The following EYS variants were observed in gnomAD, a reference collection of about 807,000 sequenced individuals.
The protein encoded by EYS is EGF-like photoreceptor maintenance factor.
Under a neutral mutation model 282.1 loss-of-function variants are expected in EYS, and 250 were observed. The ratio of observed to expected loss-of-function variants is 0.89; its 90% CI spans 0.80 to 0.98. The LOEUF is 0.98. Ranked by LOEUF, EYS falls within the 50% of genes least tolerant of loss-of-function variation. The pLI is 0.00. For missense variants in EYS, 4,016 were observed against 3,709.0 expected (o/e 1.08, Z -2.15); for synonymous variants, 1,355 against 1,282.9 (o/e 1.06, Z -1.20).
At chr6:63,818,325 A>T (rs1481210577) in intron 36 of EYS, among the ~76,000 whole-genome samples, 1 of 152,198 alleles carries the variant, frequency 6.6e-6, no homozygotes, top group Admixed American at 6.5e-5. Context: ...TGATAATACA[A>T]CTGTGATTTT....
chr6:64,928,156 A>C lies in EYS; in HGVS notation c.2382-15413T>G, dbSNP rs574607347. Among the ~76,000 whole-genome samples the C allele has an allele frequency of 2.6e-5, 4 of 152,178 alleles. No homozygotes were observed. The East Asian group carries it at 7.7e-4, about 29-fold the overall frequency. Reference sequence around the variant, plus strand: ...CTATTGAATACCTTATGAAAAGTCTATTTCTCTAAAAACATTGCCTCCCCC... The same window carrying C: ...CTATTGAATACCTTATGAAAAGTCTCTTTCTCTAAAAACATTGCCTCCCCC... On this transcript the variant is annotated intron_variant, in intron 15 of 42. Coordinates refer to ENST00000503581, the MANE Select transcript of EYS (RefSeq NM_001142800.2).
At chr6:65,591,677 C>G (rs1479710704) in intron 2 of EYS, among the ~76,000 whole-genome samples, 1 of 151,896 alleles carries the variant, frequency 6.6e-6, no homozygotes, top group Non-Finnish European at 1.5e-5. Flanking sequence ...ACCATTCTCT[C>G]TGTCTGGAAT....
chr6:64,248,986 G>A (rs1201271965), intron 30 of EYS, among the ~76,000 whole-genome samples: 1 of 148,566 alleles, frequency 6.7e-6, no homozygotes, highest in Admixed American at 6.8e-5. Flanking sequence ...AATCTTGGAG[G>A]CTTGGAGGCA....
intron 12 of EYS, among the ~76,000 whole-genome samples, chr6:65,187,531 C>A (rs1409412407): frequency 1.3e-5 from 2 of 151,586 alleles, no homozygotes; most frequent in Non-Finnish European, 3.0e-5. Flanking sequence ...ATAATTCCAA[C>A]TTTTTCATGC....
chr6:65,267,797 A>G (rs999849237), intron 12 of EYS, among the ~76,000 whole-genome samples: 1 of 152,014 alleles, frequency 6.6e-6, no homozygotes, highest in Non-Finnish European at 1.5e-5. Flanking sequence ...AAGCAAATGG[A>G]AATCTGTTTC....
chr6:65,517,299 G>T (rs1767173013), intron 2 of EYS, among the ~76,000 whole-genome samples: 1 of 147,902 alleles, frequency 6.8e-6, no homozygotes, highest in African/African-American at 2.5e-5. Context: ...ATAATTGTCT[G>T]TAACAAAAGT....
rs547868907 is a variant in EYS, at chr6:63,721,769, A to G, written c.8262T>C (p.Asn2754=). Residue 2754 remains asparagine, a synonymous_variant, in exon 43 of 43, where the codon AAT becomes AAC. Transcript: ENST00000503581. ...GGTTGTAGCGAAGTTGAACGGAACT[A>G]TTTACTAAAGAGATGCATAAAAAAT... ...SGDFLCISLV[N]SSVQLRYNLG... The G allele has an allele frequency of 2.3e-5, 35 of 1,550,498 alleles. No homozygotes were observed. Among genetic ancestry groups the G allele is most frequent in the African/African-American group, 1.4e-4 (10 of 73,084 alleles).
At chr6:63,839,388 G>T in intron 36 of EYS, among the ~76,000 whole-genome samples, 1 of 152,144 alleles carries the variant, frequency 6.6e-6, no homozygotes. Flanking sequence ...GCAAATGACA[G>T]AATTAATTTC....
At chr6:64,493,233 A>G (rs536187259) in intron 26 of EYS, among the ~76,000 whole-genome samples, 2 of 151,474 alleles carry the variant, frequency 1.3e-5, no homozygotes, top group African/African-American at 2.4e-5. Flanking sequence ...ATGACTCTAA[A>G]CAAGAAGGAA....
chr6:64,368,753 G>A (rs1176282138), intron 29 of EYS, among the ~76,000 whole-genome samples: 2 of 151,780 alleles, frequency 1.3e-5, no homozygotes, highest in South Asian at 2.1e-4. Context: ...TTTAAATGGG[G>A]TTGTTTTTGC....
intron 29 of EYS, among the ~76,000 whole-genome samples, chr6:64,387,926 T>C (rs189255819): frequency 1.2e-3 from 187 of 152,270 alleles, no homozygotes; most frequent in Non-Finnish European, 2.0e-3. Context: ...TAGATGTATG[T>C]ATACCAATTT....
At chr6:64,670,793 C>T (rs1769429253) in intron 22 of EYS, among the ~76,000 whole-genome samples, 1 of 152,128 alleles carries the variant, frequency 6.6e-6, no homozygotes. Flanking sequence ...CTCTACATTG[C>T]TCAGGAACTC....
At chr6:65,545,531 G>T (rs533790107) in intron 2 of EYS, among the ~76,000 whole-genome samples, 1 of 152,118 alleles carries the variant, frequency 6.6e-6, no homozygotes, top group South Asian at 2.1e-4. Flanking sequence ...GAAGAAAGTG[G>T]GATCAAAGAG....
rs1194725174 is a variant in EYS at position 64,113,516 on chromosome 6, T to C, written c.6425-31514A>G. Among the ~76,000 whole-genome samples, 8 of 152,318 alleles carry C rather than the reference T, an allele frequency of 5.3e-5. No individual in the cohort carries two copies. In the East Asian group the frequency reaches 7.7e-4, roughly 15 times the overall value. On this transcript the variant is annotated intron_variant, in intron 31 of 42. Coordinates refer to ENST00000503581, the MANE Select transcript of EYS (RefSeq NM_001142800.2). ...GTATTTACTCCGTAAATAACAGATATGACTTTTGCACTTATAGAATAAGAA... is the reference window on the plus strand; with the variant it reads ...GTATTTACTCCGTAAATAACAGATACGACTTTTGCACTTATAGAATAAGAA...
chr6:65,386,128 G>A (rs1765793340), intron 7 of EYS, among the ~76,000 whole-genome samples: 1 of 151,502 alleles, frequency 6.6e-6, no homozygotes, highest in African/African-American at 2.4e-5. Context: ...AATGAACACT[G>A]GGCAGCAGCA....
chr6:63,914,053 C>T (rs1764351336), intron 35 of EYS, among the ~76,000 whole-genome samples: 2 of 152,094 alleles, frequency 1.3e-5, no homozygotes, highest in African/African-American at 4.8e-5. Flanking sequence ...CAAACCACTC[C>T]TATATAAGAT....
At chr6:65,564,019 C>T (rs986257067) in intron 2 of EYS, among the ~76,000 whole-genome samples, 3 of 152,092 alleles carry the variant, frequency 2.0e-5, no homozygotes, top group African/African-American at 7.2e-5. Context: ...CTCCCATTCA[C>T]AATTGCTACA....
chr6:64,109,344 C>T (rs1773132895), intron 31 of EYS, among the ~76,000 whole-genome samples: 1 of 152,048 alleles, frequency 6.6e-6, no homozygotes, highest in Non-Finnish European at 1.5e-5. Flanking sequence ...CTATTTTCTT[C>T]ATTATTCCAT....
chr6:65,346,805 A>G (rs577859988), intron 9 of EYS, among the ~76,000 whole-genome samples: 4 of 151,992 alleles, frequency 2.6e-5, no homozygotes, highest in African/African-American at 9.6e-5. Context: ...ACACTGAGCA[A>G]AAAACATGGA....
Sources: allele counts gnomAD v4.1 joint callset (sites outside exome capture counted in the v4.1 genomes callset), GRCh38; gene constraint gnomAD v4.1.1; transcripts MANE v1.5; gene names NCBI Gene and HGNC (gene_info 2026-07-23, HGNC 2026-07-21).